SLC11A2: variants seen among roughly 807,000 people sequenced by gnomAD.
SLC11A2 encodes the protein natural resistance-associated macrophage protein 2.
Under a neutral mutation model 68.0 loss-of-function variants are expected in SLC11A2, and 38 were observed. The ratio of observed to expected loss-of-function variants is 0.56; its 90% CI spans 0.43 to 0.73. SLC11A2 has a LOEUF of 0.73. Ranked by LOEUF, SLC11A2 falls within the 30% of genes least tolerant of loss-of-function variation. The probability of loss-of-function intolerance (pLI) is 0.00; values close to 1 mark genes in which losing one functional copy is unlikely to be tolerated. For synonymous variants in SLC11A2, 242 were observed against 250.6 expected (o/e 0.97, Z 0.32); for missense variants, 517 against 690.5 (o/e 0.75, Z 2.82).
intron 1 of SLC11A2, among the ~76,000 whole-genome samples, chr12:51,018,475 CTT>C (rs1161653236): frequency 2.8e-5 from 4 of 145,418 alleles, no homozygotes; most frequent in Non-Finnish European, 3.0e-5. Flanking sequence ...ACAACTTCAA[CTT>C]TTTTTTTTTT....
the SLC11A2 span, among the ~76,000 whole-genome samples, chr12:50,956,253 G>A: frequency 3.7e-3 from 563 of 152,202 alleles, 1 homozygote; most frequent in African/African-American, 0.012. Context: ...TTAGCTGGGT[G>A]TGGTGGCAGG....
intron 3 of SLC11A2, chr12:51,005,793 A>G (rs185423381): frequency 4.8e-5 from 38 of 786,762 alleles, no homozygotes; most frequent in South Asian, 2.8e-4. Flanking sequence ...GTGTGTGCCT[A>G]TAGTCCAACT....
intron 1 of SLC11A2, among the ~76,000 whole-genome samples, chr12:51,013,280 A>C (rs1943375024): frequency 7.0e-6 from 1 of 143,282 alleles, no homozygotes; most frequent in African/African-American, 2.5e-5. Context: ...AGCTGAATGA[A>C]TTAAATTGCT....
At chr12:50,965,325 A>G in the SLC11A2 span, among the ~76,000 whole-genome samples, 2 of 146,788 alleles carry the variant, frequency 1.4e-5, no homozygotes, top group Non-Finnish European at 3.0e-5. Flanking sequence ...GTCTTGCTAC[A>G]TTGCCCAGGC....
At chr12:50,969,836 T>C in the SLC11A2 span, among the ~76,000 whole-genome samples, 2 of 152,150 alleles carry the variant, frequency 1.3e-5, no homozygotes, top group African/African-American at 4.8e-5. Flanking sequence ...GGTGGTGGTA[T>C]GTGAGTTGTA....
chr12:51,009,068 C>A (rs1393098869), intron 2 of SLC11A2: 3 of 1,034,962 alleles, frequency 2.9e-6, no homozygotes, highest in African/African-American at 3.1e-5. Flanking sequence ...AAGAACTAGG[C>A]CTGTCTAGCG....
intron 9 of SLC11A2, 29 bp from the exon 10 acceptor site, chr12:50,995,816 T>C: frequency 1.9e-6 from 3 of 1,610,830 alleles, no homozygotes; most frequent in South Asian, 1.1e-5. Context: ...CAGTCACTTT[T>C]TGACCAGTTA....
At chr12:50,976,897 T>C (rs1220569228), downstream of SLC11A2, among the ~76,000 whole-genome samples, 2 of 152,146 alleles carry the variant, frequency 1.3e-5, no homozygotes, top group African/African-American at 4.8e-5. Context: ...CATTCACAAT[T>C]GCTTCAAAGA....
the SLC11A2 span, among the ~76,000 whole-genome samples, chr12:50,974,270 A>G: frequency 6.6e-6 from 1 of 152,262 alleles, no homozygotes; most frequent in Admixed American, 6.5e-5. Context: ...AGGGAAGCCC[A>G]TCAGACTAAC....
chr12:51,016,063 G>A (rs944951049), intron 1 of SLC11A2, among the ~76,000 whole-genome samples: 2 of 152,042 alleles, frequency 1.3e-5, no homozygotes, highest in South Asian at 2.1e-4. Flanking sequence ...GATTACAGGC[G>A]TGAGCCACCA....
At chr12:50,998,257 G>A (rs1038956618) in intron 8 of SLC11A2, among the ~76,000 whole-genome samples, 2 of 152,134 alleles carry the variant, frequency 1.3e-5, no homozygotes, top group Non-Finnish European at 2.9e-5. Context: ...TACTTGGGAG[G>A]CTGAGGCACA....
chr12:50,980,960 A>T (rs1379437582), downstream of SLC11A2: 2 of 152,228 alleles, frequency 1.3e-5, no homozygotes, highest in Non-Finnish European at 2.9e-5. Context: ...ATCACTGGTT[A>T]AAGTGTGGTT....
the SLC11A2 span, chr12:50,970,407 G>A: frequency 9.6e-7 from 1 of 1,042,186 alleles, no homozygotes; most frequent in African/African-American, 1.6e-5. Flanking sequence ...TGTTTCCCAT[G>A]GATACTCAAT....
At chr12:50,961,389 G>A in the SLC11A2 span, among the ~76,000 whole-genome samples, 3 of 152,096 alleles carry the variant, frequency 2.0e-5, no homozygotes, top group South Asian at 4.1e-4. Context: ...TAACTCAAGC[G>A]CAGCAGTTAT....
At chr12:50,961,245 A>C in the SLC11A2 span, 1 of 882,946 alleles carries the variant, frequency 1.1e-6, no homozygotes, top group Non-Finnish European at 1.7e-6. Context: ...CCCTTAGTTG[A>C]GGTTGTGGCC....
At chr12:51,005,213 T>C in intron 4 of SLC11A2, 98 bp downstream of exon 4, 4 of 1,280,058 alleles carry the variant, frequency 3.1e-6, no homozygotes. Flanking sequence ...AGTATCTGCA[T>C]GTAGCCCCTG....
At chr12:50,968,383 C>CTTTTTTTTTTTT in the SLC11A2 span, among the ~76,000 whole-genome samples, 1 of 150,972 alleles carries the variant, frequency 6.6e-6, no homozygotes, top group Non-Finnish European at 1.5e-5. Flanking sequence ...TACACTGATT[C>CTTTTTTTTTTTT]TTTTTTTGTG....
At chr12:50,960,016 C>G in the SLC11A2 span, among the ~76,000 whole-genome samples, 1 of 152,114 alleles carries the variant, frequency 6.6e-6, no homozygotes. Flanking sequence ...AAATCTTTTT[C>G]TAGAATCTTT....
downstream of SLC11A2, among the ~76,000 whole-genome samples, chr12:50,984,130 G>GAA (rs34060406): frequency 7.4e-6 from 1 of 134,574 alleles, no homozygotes. Flanking sequence ...CTCCATCTCA[G>GAA]AAAAAAAAAA....
Sources: allele counts gnomAD v4.1 joint callset (sites outside exome capture counted in the v4.1 genomes callset), GRCh38; gene constraint gnomAD v4.1.1; transcripts MANE v1.5; gene names NCBI Gene and HGNC (gene_info 2026-07-23, HGNC 2026-07-21).